The following MDH1 variants were observed in gnomAD, a reference collection of about 807,000 sequenced individuals.
MDH1 encodes malate dehydrogenase, cytoplasmic.
MDH1 carries 15 observed loss-of-function variants against 38.7 expected under a neutral mutation model. That is an observed-to-expected ratio of 0.39 (90% confidence interval 0.26 to 0.60). MDH1 has a LOEUF of 0.60. Among genes scored for constraint, MDH1 ranks in the 20% least tolerant of loss-of-function variants. MDH1 has a pLI of 0.56. For synonymous variants in MDH1, 144 were observed against 143.6 expected, an observed-to-expected ratio of 1.00 and a Z score of -0.02; for missense variants, 368 against 405.2, an observed-to-expected ratio of 0.91 and a Z score of 0.79.
Position 63,606,918 on chromosome 2 carries a change from G to T in MDH1, c.936G>T (p.Lys312Asn). The T allele has an allele frequency of 6.2e-7, 1 of 1,612,696 alleles. No individual in the cohort carries two copies. Among genetic ancestry groups the T allele is most frequent in the Non-Finnish European group, 8.5e-7 (1 of 1,179,014 alleles). Residue 312 changes from lysine to asparagine, a missense_variant, in exon 9 of 9, where the codon AAG becomes AAT. By Grantham distance (94) the Lys-to-Asn change is moderately conservative. Coordinates refer to ENST00000233114, the MANE Select transcript of MDH1 (RefSeq NM_005917.4). ...GLPINDFSRE[K>N]MDLTAKELTE... ...CTATTAATGATTTCTCACGTGAGAA[G>T]ATGGATCTTACTGCAAAGGAACTGA... is the stretch of plus-strand genomic sequence containing the variant.
intron 3 of MDH1, among the ~76,000 whole-genome samples, chr2:63,596,102 A>G (rs771618276): frequency 1.3e-5 from 2 of 152,224 alleles, no homozygotes; most frequent in African/African-American, 2.4e-5. Flanking sequence ...TCATTGAACT[A>G]TAACACAGAT....
intron 8 of MDH1, 138 bp from the exon 9 acceptor site, chr2:63,606,720 TATTA>T (rs1434443234): frequency 2.3e-6 from 1 of 438,056 alleles, no homozygotes; most frequent in East Asian, 4.1e-5. Flanking sequence ...TAGAATTATC[TATTA>T]ATTAAAATCT....
Position 63,594,542 on chromosome 2 carries a change from C to T in MDH1, c.58C>T (p.Leu20=). 6.2e-7 allele frequency: 1 copy of T among 1,613,840 alleles called. No homozygotes were observed. The highest frequency in any genetic ancestry group is 8.5e-7 in the Non-Finnish European group (1 of 1,179,822). ...TGAAGQIAYS[L]LYSIGNGSVF... is the part of the protein sequence containing the mutation. ...AGCAGCTGGTCAAATTGCATATTCACTGCTGTACAGTATTGGAAATGGATC... is the reference window on the plus strand; with the variant it reads ...AGCAGCTGGTCAAATTGCATATTCATTGCTGTACAGTATTGGAAATGGATC... The change falls in exon 2 of 9, where the codon CTG becomes TTG. Residue 20 remains leucine (L), a synonymous_variant. Transcript: ENST00000233114.
intron 2 of MDH1, 58 bp from the exon 3 acceptor site, chr2:63,595,363 CTT>C: frequency 9.5e-7 from 1 of 1,049,834 alleles, no homozygotes; most frequent in Non-Finnish European, 1.5e-6. Flanking sequence ...TGTGAAAAGA[CTT>C]TCTTGTGTCT....
At position 63,604,980 on chromosome 2, in the gene MDH1, A is replaced by T. The variant is rs1030656538; in HGVS notation, c.675+108A>T. Reference sequence around the variant, plus strand: ...CAGGTCTTTCACAGTTGCTCTGATGACTGCATACTTTCGGGATCATAGTAA... The same window carrying T: ...CAGGTCTTTCACAGTTGCTCTGATGTCTGCATACTTTCGGGATCATAGTAA... On this transcript the variant is annotated intron_variant, in intron 6 of 8. Transcript: ENST00000233114. The T allele has an allele frequency of 1.5e-5, 16 of 1,089,842 alleles. No individual in the cohort carries two copies. In the African/African-American group the frequency reaches 1.9e-4, roughly 13 times the overall value. 67.5% of individuals were successfully genotyped at this position (1,089,842 alleles called of 1,614,324 possible).
rs760941794 is a variant in MDH1 at position 63,607,006 on chromosome 2, A to G, written c.*19A>G. 5 of 1,601,808 alleles carry G rather than the reference A, an allele frequency of 3.1e-6. No homozygotes were observed. Among genetic ancestry groups the G allele is most frequent in the Admixed American group, 3.5e-5 (2 of 57,936 alleles). ...TGCCTGACTAGACAATGATGTTACT[A>G]AATGCTTCAAAGCTGAAGAATCTAA... On this transcript the variant is annotated 3_prime_UTR_variant, in exon 9 of 9. Transcript: ENST00000233114.
chr2:63,595,337 T>C, intron 2 of MDH1, 86 bp from the exon 3 acceptor site: 1 of 838,514 alleles, frequency 1.2e-6, no homozygotes, highest in South Asian at 1.4e-5. Flanking sequence ...TGCATGTACA[T>C]ACCAAATAAA....
At chr2:63,604,474 C>G (rs1221899163) in intron 5 of MDH1, among the ~76,000 whole-genome samples, 1 of 152,218 alleles carries the variant, frequency 6.6e-6, no homozygotes, top group East Asian at 1.9e-4. Flanking sequence ...CTTAAACATT[C>G]TACTCCATAA....
At chr2:63,593,788 AT>A (rs1709248904) in intron 1 of MDH1, among the ~76,000 whole-genome samples, 1 of 152,228 alleles carries the variant, frequency 6.6e-6, no homozygotes, top group Non-Finnish European at 1.5e-5. Context: ...ATCTTTTAAA[AT>A]TCTGTCAGCT....
intron 1 of MDH1, chr2:63,590,212 G>C (rs1455644131): frequency 6.6e-6 from 1 of 152,124 alleles, no homozygotes; most frequent in Non-Finnish European, 1.5e-5. Context: ...GATAACCTTG[G>C]ACTTTTTGCT....
At chr2:63,593,264 C>T (rs4671519) in intron 1 of MDH1, 146,600 of 185,100 alleles carry the variant, frequency 0.79, 59,018 homozygotes, top group East Asian at 0.98. Context: ...CCAGCTAATT[C>T]TGTATTTTTA....
At chr2:63,594,268 G>C in intron 1 of MDH1, 1 of 641,122 alleles carries the variant, frequency 1.6e-6, no homozygotes. Flanking sequence ...GATTATGTAA[G>C]TAAATCCAGG....
intron 8 of MDH1, among the ~76,000 whole-genome samples, chr2:63,606,321 C>T (rs1397913421): frequency 6.6e-6 from 1 of 152,164 alleles, no homozygotes; most frequent in African/African-American, 2.4e-5. Context: ...ATCAAGGCTG[C>T]AGTGAACCAT....
intron 5 of MDH1, among the ~76,000 whole-genome samples, chr2:63,602,270 G>C (rs1709432953): frequency 6.6e-6 from 1 of 151,098 alleles, no homozygotes; most frequent in Admixed American, 6.6e-5. Flanking sequence ...TTAGTATGAA[G>C]ACCAGTCGAG....
At chr2:63,590,113 G>C (rs977190319) in intron 1 of MDH1, 1 of 152,194 alleles carries the variant, frequency 6.6e-6, no homozygotes, top group African/African-American at 2.4e-5. Context: ...TTTCCTAAAT[G>C]TTTTGTCACA....
intron 1 of MDH1, among the ~76,000 whole-genome samples, chr2:63,592,703 A>G (rs969843839): frequency 6.6e-6 from 1 of 152,248 alleles, no homozygotes; most frequent in Non-Finnish European, 1.5e-5. Context: ...AGCACGTTAC[A>G]TATGTTTTCA....
chr2:63,599,567 CTT>C, intron 5 of MDH1: 2 of 227,564 alleles, frequency 8.8e-6, no homozygotes, highest in Non-Finnish European at 1.7e-5. Flanking sequence ...CTAATGTTCT[CTT>C]GTTACAGTGG....
Position 63,594,562 on chromosome 2 carries a change from T to A in MDH1, c.78T>A (p.Asn26Lys). The A allele has an allele frequency of 6.2e-7, 1 of 1,613,452 alleles. No individual in the cohort carries two copies. Among genetic ancestry groups the A allele is most frequent in the Non-Finnish European group, 8.5e-7 (1 of 1,179,436 alleles). ...ATTCACTGCTGTACAGTATTGGAAA[T>A]GGATCTGTCTTTGGTAAAGATCAGG... ...IAYSLLYSIG[N>K]GSVFGKDQPI... The change falls in exon 2 of 9, where the codon AAT becomes AAA. Residue 26 changes from asparagine to lysine, a missense_variant. Transcript: ENST00000233114.
At chr2:63,594,650 A>G in intron 2 of MDH1, 64 bp downstream of exon 2, 1 of 1,155,770 alleles carries the variant, frequency 8.7e-7, no homozygotes, top group Non-Finnish European at 1.3e-6. Context: ...AAAAATCTGT[A>G]TTTAGTTGTA....
Sources: gnomAD v4.1 joint callset for allele counts (sites outside exome capture counted in the v4.1 genomes callset) on GRCh38, gnomAD v4.1.1 for gene constraint, MANE v1.5 for transcripts, NCBI Gene and HGNC (gene_info 2026-07-23, HGNC 2026-07-21) for gene names.